The following GRM7 variants were observed in gnomAD, a reference collection of about 807,000 sequenced individuals.
The protein encoded by GRM7 is metabotropic glutamate receptor 7.
A neutral mutation model predicts 84.5 loss-of-function variants in GRM7; 35 were observed. The ratio of observed to expected loss-of-function variants is 0.41; its 90% confidence interval spans 0.32 to 0.55. The LOEUF is 0.55. GRM7 is among the 20% of genes least tolerant of loss of function. GRM7 has a pLI of 0.19. For missense variants in GRM7, 1,003 were observed against 1,194.6 expected, an observed-to-expected ratio of 0.84 and a Z score of 2.36; for synonymous variants, 487 against 455.1, an observed-to-expected ratio of 1.07 and a Z score of -0.89.
At chr3:7,734,880 C>T (rs1702453557) in intron 9 of GRM7, among the ~76,000 whole-genome samples, 1 of 152,132 alleles carries the variant, frequency 6.6e-6, no homozygotes, top group East Asian at 1.9e-4. Flanking sequence ...AAATGAATTG[C>T]TTCTTCTTTG....
At chr3:7,305,952 TC>T (rs1411448539) in intron 3 of GRM7, among the ~76,000 whole-genome samples, 1 of 152,202 alleles carries the variant, frequency 6.6e-6, no homozygotes, top group African/African-American at 2.4e-5. Flanking sequence ...GCTCCCATTG[TC>T]CTGATTATGT....
At position 7,305,481 on chromosome 3, in the gene GRM7, A is replaced by G. The variant is rs1300013773; in HGVS notation, c.879-1017A>G. Among the ~76,000 whole-genome samples the G allele has an allele frequency of 9.2e-4, 70 of 76,468 alleles. 5 individuals are homozygous for G. The highest frequency in any genetic ancestry group is 2.5e-3 in the African/African-American group (67 of 27,320). The allele number at this position is 76,468 out of a possible 152,430, so 50.2% of individuals were successfully genotyped here. ...CATCTAGCATTAGGTATATCTCCCA[A>G]TGCTATCCCTCCCCCCTCCCCCGAC... is the stretch of plus-strand genomic sequence containing the variant. On this transcript the variant is annotated intron_variant, in intron 3 of 9. Transcript: ENST00000357716.
intron 2 of GRM7, among the ~76,000 whole-genome samples, chr3:7,191,460 T>C (rs1559494378): frequency 6.6e-6 from 1 of 152,128 alleles, no homozygotes; most frequent in East Asian, 1.9e-4. Context: ...CAAAATTCTA[T>C]GCACATATTT....
At chr3:7,315,625 TCCCTCTGGAAC>T (rs1700555799) in intron 4 of GRM7, among the ~76,000 whole-genome samples, 1 of 152,164 alleles carries the variant, frequency 6.6e-6, no homozygotes, top group African/African-American at 2.4e-5. Flanking sequence ...TCGTCTTTAT[TCCCTCTGGAAC>T]CCTATATGAG....
intron 8 of GRM7, among the ~76,000 whole-genome samples, chr3:7,675,051 TA>T (rs1700072802): frequency 6.6e-6 from 1 of 152,198 alleles, no homozygotes; most frequent in Non-Finnish European, 1.5e-5. Context: ...CTTTTCTGAG[TA>T]AATTAAATTT....
intron 1 of GRM7, among the ~76,000 whole-genome samples, chr3:6,888,867 T>C (rs1341158577): frequency 6.6e-6 from 1 of 152,224 alleles, no homozygotes; most frequent in African/African-American, 2.4e-5. Context: ...CCCATGAGCA[T>C]GGAATGTTCT....
At chr3:7,638,206 G>A (rs928881715) in intron 8 of GRM7, among the ~76,000 whole-genome samples, 2 of 152,120 alleles carry the variant, frequency 1.3e-5, no homozygotes, top group Non-Finnish European at 2.9e-5. Context: ...TCTTTGCAAA[G>A]ATTAATCTGT....
At chr3:7,183,126 G>A (rs1695399531) in intron 2 of GRM7, among the ~76,000 whole-genome samples, 2 of 151,972 alleles carry the variant, frequency 1.3e-5, no homozygotes, top group South Asian at 4.1e-4. Flanking sequence ...CTATTTCCAG[G>A]TTGTGCCTAA....
At chr3:7,692,608 T>A (rs1700849325) in intron 9 of GRM7, among the ~76,000 whole-genome samples, 1 of 152,160 alleles carries the variant, frequency 6.6e-6, no homozygotes, top group South Asian at 2.1e-4. Flanking sequence ...TCACCATATT[T>A]TCACTATTGC....
At chr3:7,121,639 T>C (rs994940689) in intron 1 of GRM7, among the ~76,000 whole-genome samples, 1 of 152,182 alleles carries the variant, frequency 6.6e-6, no homozygotes, top group Admixed American at 6.5e-5. Context: ...TAACTCATTC[T>C]CAAAGAAGAA....
intron 8 of GRM7, among the ~76,000 whole-genome samples, chr3:7,646,260 C>T (rs546247425): frequency 1.1e-4 from 16 of 152,218 alleles, no homozygotes; most frequent in South Asian, 6.2e-4. Context: ...GGTGCAATCT[C>T]GGCTCACTGC....
In GRM7 at chr3:7,151,449, C is replaced by T. The variant is rs955138598; in HGVS notation, c.736+4781C>T. Among the ~76,000 whole-genome samples, 13 of 152,080 alleles carry T rather than the reference C, an allele frequency of 8.5e-5. No individual in the cohort carries two copies. The East Asian group carries it at 2.3e-3, about 27-fold the overall frequency. On this transcript the variant is annotated intron_variant, in intron 2 of 9. Transcript: ENST00000357716. The surrounding 1 kb of genome is among the most constrained non-coding windows in gnomAD (Gnocchi z 4.5). ...AACAAACAAACATACAAACAAAAAC[C>T]AGAGCTAGATGGATTTTCCTACTAT... is the stretch of plus-strand genomic sequence containing the variant.
chr3:7,516,378 G>A (rs1700384609), intron 7 of GRM7, among the ~76,000 whole-genome samples: 1 of 146,570 alleles, frequency 6.8e-6, no homozygotes, highest in Admixed American at 6.8e-5. Context: ...TTGGGGGGCT[G>A]AGGCAGGAGA....
intron 1 of GRM7, among the ~76,000 whole-genome samples, chr3:6,905,040 G>T (rs187966138): frequency 1.3e-4 from 20 of 152,084 alleles, no homozygotes; most frequent in African/African-American, 3.9e-4. Flanking sequence ...TTAATATCCG[G>T]CAGGGCAAGT....
At chr3:7,672,275 G>C (rs1211684079) in intron 8 of GRM7, among the ~76,000 whole-genome samples, 1 of 152,148 alleles carries the variant, frequency 6.6e-6, no homozygotes, top group African/African-American at 2.4e-5. Flanking sequence ...ACTCCAATTA[G>C]GAAGCAATGG....
intron 7 of GRM7, among the ~76,000 whole-genome samples, chr3:7,549,571 A>G (rs1321549209): frequency 6.6e-6 from 1 of 152,218 alleles, no homozygotes; most frequent in Non-Finnish European, 1.5e-5. Flanking sequence ...ATAGGTTACG[A>G]CTTGGAAGAT....
At chr3:7,163,493 T>C (rs1216240830) in intron 2 of GRM7, among the ~76,000 whole-genome samples, 2 of 152,244 alleles carry the variant, frequency 1.3e-5, no homozygotes, top group Admixed American at 6.5e-5. Context: ...TCTGTCCTCA[T>C]TGCAGCTAGG....
At chr3:7,153,429 G>C (rs1694350662) in intron 2 of GRM7, among the ~76,000 whole-genome samples, 1 of 152,062 alleles carries the variant, frequency 6.6e-6, no homozygotes, top group South Asian at 2.1e-4. Context: ...TCTCACTAGA[G>C]AGTAAAATTC....
At chr3:7,324,983 A>G (rs1700929672) in intron 4 of GRM7, among the ~76,000 whole-genome samples, 1 of 152,164 alleles carries the variant, frequency 6.6e-6, no homozygotes, top group Non-Finnish European at 1.5e-5. Flanking sequence ...CTCACTTAGC[A>G]GGCTAGCACT....
Sources: allele counts gnomAD v4.1 joint callset (sites outside exome capture counted in the v4.1 genomes callset), GRCh38; gene constraint gnomAD v4.1.1; non-coding constraint Gnocchi (gnomAD v3.1); transcripts MANE v1.5; gene names NCBI Gene and HGNC (gene_info 2026-07-23, HGNC 2026-07-21).